UNC5C: variants seen among roughly 807,000 people sequenced by gnomAD.
The protein encoded by UNC5C is unc-5 netrin receptor C.
Under a neutral mutation model 99.8 loss-of-function variants are expected in UNC5C, and 47 were observed. The ratio of observed to expected loss-of-function variants is 0.47; its 90% confidence interval spans 0.37 to 0.60. The LOEUF is 0.60. UNC5C is among the 20% of genes least tolerant of loss of function. The pLI, the probability that UNC5C is intolerant of heterozygous loss-of-function variation, is 0.00. For synonymous variants in UNC5C, 487 were observed against 452.2 expected (o/e 1.08, Z -0.98); for missense variants, 1,062 against 1,165.9 (o/e 0.91, Z 1.30).
At chr4:95,187,256 C>CCAAT (rs371008590) in intron 12 of UNC5C, among the ~76,000 whole-genome samples, 2 of 152,118 alleles carry the variant, frequency 1.3e-5, no homozygotes, top group Non-Finnish European at 2.9e-5. Flanking sequence ...TACAGTCATG[C>CCAAT]CAATCAATCA....
chr4:95,441,544 G>A (rs1746950525), intron 1 of UNC5C, among the ~76,000 whole-genome samples: 1 of 152,042 alleles, frequency 6.6e-6, no homozygotes, highest in South Asian at 2.1e-4. Flanking sequence ...GTTTAAGTTA[G>A]CACTCAATTT....
chr4:95,354,476 T>TAC (rs1744100208), intron 1 of UNC5C, among the ~76,000 whole-genome samples: 1 of 116,532 alleles, frequency 8.6e-6, no homozygotes, highest in Non-Finnish European at 1.8e-5. Context: ...TCCATATATA[T>TAC]ATATTTTTTT....
At chr4:95,236,343 A>G (rs1271075357) in intron 7 of UNC5C, among the ~76,000 whole-genome samples, 2 of 151,682 alleles carry the variant, frequency 1.3e-5, no homozygotes, top group Non-Finnish European at 2.9e-5. Context: ...ACAAAAAACC[A>G]AACATCGCAT....
At position 95,166,399 on chromosome 4, in the gene UNC5C, G is replaced by A. The variant is rs1560707738; in HGVS notation, c.*2835C>T. ...TCATTCACTTAATAGGAAACATTAA[G>A]GGTTCTGACAGATGAGTACCTCACA... On this transcript the variant is annotated 3_prime_UTR_variant, in exon 16 of 16. Transcript: ENST00000453304. 6.6e-6 allele frequency: 1 copy of A among 152,174 alleles called. No individual in the cohort carries two copies. Among genetic ancestry groups the A allele is most frequent in the Non-Finnish European group, 1.5e-5 (1 of 68,018 alleles). The allele number at this position is 152,174 out of a possible 1,614,324, so 9.4% of individuals were successfully genotyped here. A position where few individuals can be genotyped will look rare whatever the true frequency, so the allele number is the denominator to read the frequency against.
chr4:95,197,582 G>T (rs1387633154), intron 12 of UNC5C, among the ~76,000 whole-genome samples: 1 of 152,062 alleles, frequency 6.6e-6, no homozygotes, highest in South Asian at 2.1e-4. Context: ...TCATTGAGTG[G>T]TTAGGTCACT....
chr4:95,319,110 CT>C (rs1263940185), intron 2 of UNC5C, among the ~76,000 whole-genome samples: 1 of 152,226 alleles, frequency 6.6e-6, no homozygotes, highest in Non-Finnish European at 1.5e-5. Context: ...TGTACTCCCT[CT>C]CTGCCACACT....
intron 1 of UNC5C, among the ~76,000 whole-genome samples, chr4:95,464,625 G>A (rs1011382767): frequency 2.0e-5 from 3 of 152,082 alleles, no homozygotes; most frequent in African/African-American, 4.8e-5. Context: ...GATAATTTCC[G>A]AACATCATAG....
At chr4:95,351,953 T>C (rs1286789051) in intron 1 of UNC5C, among the ~76,000 whole-genome samples, 1 of 152,074 alleles carries the variant, frequency 6.6e-6, no homozygotes, top group Non-Finnish European at 1.5e-5. Context: ...TCATTAGCAC[T>C]CTATTGCTTC....
intron 1 of UNC5C, among the ~76,000 whole-genome samples, chr4:95,391,421 C>G (rs995955597): frequency 2.0e-5 from 3 of 152,078 alleles, no homozygotes; most frequent in Non-Finnish European, 4.4e-5. Flanking sequence ...TACAACTAAT[C>G]TAAATCATTT....
At chr4:95,381,857 G>T (rs917156211) in intron 1 of UNC5C, among the ~76,000 whole-genome samples, 2 of 152,164 alleles carry the variant, frequency 1.3e-5, no homozygotes, top group Admixed American at 6.6e-5. Flanking sequence ...TTGGTATGAT[G>T]CCAGTTTAAT....
At chr4:95,335,178 C>A (rs972755920) in intron 2 of UNC5C, among the ~76,000 whole-genome samples, 1 of 151,818 alleles carries the variant, frequency 6.6e-6, no homozygotes, top group Non-Finnish European at 1.5e-5. Flanking sequence ...AAGTATGAAC[C>A]ATGTTTTAAT....
chr4:95,215,397 C>G (rs1738212258), intron 10 of UNC5C, among the ~76,000 whole-genome samples: 1 of 152,210 alleles, frequency 6.6e-6, no homozygotes, highest in Admixed American at 6.5e-5. Context: ...CTATTTAACA[C>G]ACGCATTTTA....
At chr4:95,409,740 C>T (rs1322305232) in intron 1 of UNC5C, among the ~76,000 whole-genome samples, 1 of 152,182 alleles carries the variant, frequency 6.6e-6, no homozygotes, top group African/African-American at 2.4e-5. Context: ...GCCCACCATT[C>T]CCTATCTCAG....
At chr4:95,499,380 C>T (rs180889599) in intron 1 of UNC5C, among the ~76,000 whole-genome samples, 9 of 152,222 alleles carry the variant, frequency 5.9e-5, no homozygotes, top group African/African-American at 1.7e-4. Flanking sequence ...TGGCTTTCAG[C>T]TTCACCATGG....
chr4:95,340,610 T>A (rs561654787), intron 1 of UNC5C, among the ~76,000 whole-genome samples: 1 of 152,290 alleles, frequency 6.6e-6, no homozygotes, highest in Admixed American at 6.5e-5. Context: ...CATAATGCCT[T>A]AAATGTATTG....
intron 2 of UNC5C, among the ~76,000 whole-genome samples, chr4:95,333,363 T>C (rs369863910): frequency 2.6e-5 from 4 of 152,190 alleles, no homozygotes; most frequent in South Asian, 2.1e-4. Flanking sequence ...AAATGTGGCA[T>C]ATATACACCA....
At chr4:95,293,495 CT>C (rs1741562606) in intron 3 of UNC5C, among the ~76,000 whole-genome samples, 1 of 151,112 alleles carries the variant, frequency 6.6e-6, no homozygotes, top group African/African-American at 2.4e-5. Context: ...TTTTTTTTGG[CT>C]TTTATTAGAG....
chr4:95,503,311 A>G lies in UNC5C; in HGVS notation c.124+45423T>C, dbSNP rs114255003. ...CCTAGAAAGTTGCCGGTACCTTAAT[A>G]TTGAACTTCCCACCCTTCAGAACTG... is the stretch of plus-strand genomic sequence containing the variant. On this transcript the variant is annotated intron_variant, in intron 1 of 15. Coordinates refer to ENST00000453304, the MANE Select transcript of UNC5C (RefSeq NM_003728.4). Among the ~76,000 whole-genome samples the G allele has an allele frequency of 7.5e-3, 1,143 of 152,198 alleles. 16 individuals carry two copies. Among genetic ancestry groups the G allele is most frequent in the African/African-American group, 0.026 (1,075 of 41,546 alleles).
In UNC5C at chr4:95,482,630, C is replaced by T. The variant is rs1469599693; in HGVS notation, c.124+66104G>A. Among the ~76,000 whole-genome samples, 4 of 145,462 alleles carry T rather than the reference C, an allele frequency of 2.7e-5. No individual in the cohort carries two copies. In the East Asian group the frequency reaches 7.9e-4, roughly 29 times the overall value. On this transcript the variant is annotated intron_variant, in intron 1 of 15. Coordinates refer to ENST00000453304, the MANE Select transcript of UNC5C (RefSeq NM_003728.4). ...AACCCAAATGTCCAACAATGATAGA[C>T]TGGATTAAGAAAATGTGGCACATAT...
Sources: allele counts gnomAD v4.1 joint callset (sites outside exome capture counted in the v4.1 genomes callset), GRCh38; gene constraint gnomAD v4.1.1; transcripts MANE v1.5; gene names NCBI Gene and HGNC (gene_info 2026-07-23, HGNC 2026-07-21).